RACGAP1: variants seen among roughly 807,000 people sequenced by gnomAD.
RACGAP1 encodes the protein rac GTPase-activating protein 1.
RACGAP1 carries 30 observed loss-of-function variants against 78.1 expected under a neutral mutation model. That is an observed-to-expected ratio of 0.38 (90% CI 0.29 to 0.52). The LOEUF is 0.52. Among genes scored for constraint, RACGAP1 ranks in the 20% least tolerant of loss-of-function variants. The pLI is 0.82. For missense variants in RACGAP1, 587 were observed against 777.1 expected (o/e 0.76, Z 2.91); for synonymous variants, 231 against 264.8 (o/e 0.87, Z 1.24).
At position 49,997,183 on chromosome 12, in the gene RACGAP1, C is replaced by T. The variant is rs1043322181; in HGVS notation, c.901G>A (p.Val301Ile). 1.3e-6 allele frequency: 2 copies of T among 1,598,194 alleles called. No homozygotes were observed. The highest frequency in any genetic ancestry group is 8.6e-7 in the Non-Finnish European group (1 of 1,168,976). Residue 301 changes from valine (V) to isoleucine (I), a missense_variant, in exon 10 of 17, where the codon GTT (valine) becomes ATT (isoleucine). Val to Ile is a conservative substitution (Grantham distance 29, BLOSUM62 3). Coordinates refer to ENST00000312377, the MANE Select transcript of RACGAP1 (RefSeq NM_001319999.2). ...SKTVIKPESC[V>I]PCGKRIKFGK... ...AATTTTATCCGCTTTCCACATGGAA[C>T]ACAGGATTCAGGTTTAATAACCTGG...
intron 1 of RACGAP1, among the ~76,000 whole-genome samples, chr12:50,024,298 T>C (rs1950167325): frequency 6.6e-6 from 1 of 152,180 alleles, no homozygotes; most frequent in Non-Finnish European, 1.5e-5. Flanking sequence ...ATGTAATATA[T>C]AGACAGACAT....
At chr12:49,994,101 T>G in intron 12 of RACGAP1, 30 bp downstream of exon 12, 1 of 1,555,508 alleles carries the variant, frequency 6.4e-7, no homozygotes, top group Non-Finnish European at 8.8e-7. Context: ...CGTGGAGGAA[T>G]TCATATTCAA....
chr12:50,015,444 AG>A (rs1459850061), intron 2 of RACGAP1, among the ~76,000 whole-genome samples: 1 of 152,168 alleles, frequency 6.6e-6, no homozygotes, highest in Non-Finnish European at 1.5e-5. Flanking sequence ...CAGAAGTGAG[AG>A]GACTGCTTGA....
At chr12:49,998,759 C>T (rs370400171) in intron 9 of RACGAP1, among the ~76,000 whole-genome samples, 2 of 151,392 alleles carry the variant, frequency 1.3e-5, no homozygotes, top group African/African-American at 2.4e-5. Flanking sequence ...ATTAGCCGGG[C>T]GTGGTGGCAC....
chr12:50,010,368 G>C (rs1485543187), intron 2 of RACGAP1, among the ~76,000 whole-genome samples: 1 of 148,952 alleles, frequency 6.7e-6, no homozygotes, highest in Non-Finnish European at 1.5e-5. Flanking sequence ...CTGTTGCCCA[G>C]GCTGTAGTGC....
chr12:50,002,952 A>G (rs1948772324), intron 5 of RACGAP1, among the ~76,000 whole-genome samples: 1 of 145,990 alleles, frequency 6.8e-6, no homozygotes, highest in Non-Finnish European at 1.5e-5. Context: ...TAAACCCGGG[A>G]GGCGGAGCTT....
chr12:50,000,083 G>A (rs984564635), intron 7 of RACGAP1, among the ~76,000 whole-genome samples: 4 of 139,592 alleles, frequency 2.9e-5, no homozygotes, highest in African/African-American at 1.1e-4. Flanking sequence ...GCCCAATATC[G>A]GCTGACTGCA....
chr12:50,022,257 GTTT>G (rs1950049138), intron 1 of RACGAP1, among the ~76,000 whole-genome samples: 2 of 152,106 alleles, frequency 1.3e-5, no homozygotes, highest in Non-Finnish European at 2.9e-5. Flanking sequence ...CAAAAATACT[GTTT>G]ATTATTAATC....
chr12:50,003,056 T>G (rs1303775495), intron 5 of RACGAP1, among the ~76,000 whole-genome samples: 1 of 151,908 alleles, frequency 6.6e-6, no homozygotes, highest in Non-Finnish European at 1.5e-5. Flanking sequence ...TTCTACAGTT[T>G]AGGAACTTAG....
At chr12:50,018,816 A>G (rs1376773777) in intron 1 of RACGAP1, among the ~76,000 whole-genome samples, 1 of 151,758 alleles carries the variant, frequency 6.6e-6, no homozygotes, top group African/African-American at 2.4e-5. Context: ...CTTAAATTAC[A>G]ATATAACCTG....
chr12:50,032,136 ACT>A (rs1199109916), intron 1 of RACGAP1, among the ~76,000 whole-genome samples: 7 of 151,626 alleles, frequency 4.6e-5, no homozygotes, highest in East Asian at 3.9e-4. Flanking sequence ...ACACAGCGAG[ACT>A]CTGTCTCAAA....
At chr12:50,007,500 C>G (rs1314627735) in intron 2 of RACGAP1, among the ~76,000 whole-genome samples, 1 of 152,212 alleles carries the variant, frequency 6.6e-6, no homozygotes, top group Non-Finnish European at 1.5e-5. Context: ...CCACCAACAT[C>G]AAGGAAGAAG....
intron 2 of RACGAP1, among the ~76,000 whole-genome samples, chr12:50,015,629 G>A (rs908243920): frequency 3.3e-5 from 5 of 151,852 alleles, no homozygotes; most frequent in African/African-American, 7.3e-5. Context: ...GCGAAACCCC[G>A]TCTCTACTGA....
At position 49,990,362 on chromosome 12, in the gene RACGAP1, G is replaced by T; in HGVS notation, c.1824-19C>A. On this transcript the variant is annotated intron_variant, in intron 16 of 16. Transcript: ENST00000312377. ...CCCAAATCTACAATAAAAAGAGAAT[G>T]AACTGGAAAAATATTCTATAAAAAA... 1 of 1,589,002 alleles carries T rather than the reference G, an allele frequency of 6.3e-7. No individual in the cohort carries two copies. Among genetic ancestry groups the T allele is most frequent in the Non-Finnish European group, 8.6e-7 (1 of 1,157,378 alleles).
chr12:49,996,182 C>T (rs921171354), intron 10 of RACGAP1, among the ~76,000 whole-genome samples: 11 of 151,654 alleles, frequency 7.3e-5, no homozygotes, highest in African/African-American at 2.4e-4. Context: ...AGCATGGTGG[C>T]ACATGGCTGT....
At position 49,999,891 on chromosome 12, in the gene RACGAP1, G is replaced by A. The variant is rs562488047; in HGVS notation, c.631-158C>T. ...TTGAGACAGAGTTTTTCACTCTACC[G>A]CCCAGGCTGGAGAACAGTGGCGTGA... On this transcript the variant is annotated intron_variant, in intron 7 of 16. Transcript: ENST00000312377. 6.6e-5 allele frequency among the ~76,000 whole-genome samples: 10 copies of A among 152,038 alleles called. 1 individual carries two copies. Among genetic ancestry groups the A allele is most frequent in the Admixed American group, 2.6e-4 (4 of 15,274 alleles).
upstream of RACGAP1, among the ~76,000 whole-genome samples, chr12:50,030,010 C>A (rs1248791827): frequency 2.6e-5 from 4 of 152,100 alleles, no homozygotes; most frequent in Admixed American, 2.0e-4. Flanking sequence ...GTGGCTCATG[C>A]CTGTAATCCC....
chr12:50,000,264 C>T (rs2137358828), intron 7 of RACGAP1, among the ~76,000 whole-genome samples: 1 of 152,146 alleles, frequency 6.6e-6, no homozygotes, highest in East Asian at 1.9e-4. Flanking sequence ...CCACCCGCCT[C>T]AGCCTCCCAA....
At chr12:50,024,946 T>C (rs1008311656) in intron 1 of RACGAP1, among the ~76,000 whole-genome samples, 6 of 152,018 alleles carry the variant, frequency 3.9e-5, no homozygotes, top group Non-Finnish European at 8.8e-5. Context: ...AAGGACAAGA[T>C]GTCATTGCCT....
Sources: gnomAD v4.1 joint callset for allele counts (sites outside exome capture counted in the v4.1 genomes callset) on GRCh38, gnomAD v4.1.1 for gene constraint, MANE v1.5 for transcripts, NCBI Gene and HGNC (gene_info 2026-07-23, HGNC 2026-07-21) for gene names.